ARMH3: variants seen among roughly 807,000 people sequenced by gnomAD.
The protein encoded by ARMH3 is armadillo-like helical domain-containing protein 3.
A neutral mutation model predicts 99.1 loss-of-function variants in ARMH3; 60 were observed. The ratio of observed to expected loss-of-function variants is 0.61; its 90% CI spans 0.49 to 0.75. ARMH3 has a LOEUF of 0.75. ARMH3 is among the 30% of genes least tolerant of loss of function. The pLI is 0.00. For missense variants in ARMH3, 679 were observed against 843.1 expected (o/e 0.81, Z 2.41); for synonymous variants, 285 against 292.8 (o/e 0.97, Z 0.27).
At chr10:102,044,614 T>A (rs1049866889) in intron 1 of ARMH3, among the ~76,000 whole-genome samples, 2 of 152,142 alleles carry the variant, frequency 1.3e-5, no homozygotes, top group African/African-American at 4.8e-5. Context: ...TCCACCTGCC[T>A]CAGCCTCCCA....
At chr10:101,882,406 A>G (rs2067441295) in intron 24 of ARMH3, among the ~76,000 whole-genome samples, 1 of 152,172 alleles carries the variant, frequency 6.6e-6, no homozygotes, top group Non-Finnish European at 1.5e-5. Context: ...TTGTAAACCA[A>G]CTCAAACGGT....
chr10:101,974,341 T>G (rs961850753), intron 20 of ARMH3, among the ~76,000 whole-genome samples: 3 of 152,242 alleles, frequency 2.0e-5, no homozygotes, highest in African/African-American at 7.2e-5. Context: ...ATAAAGGCTC[T>G]GACACTAACA....
chr10:101,912,530 T>C (rs1453392201), intron 23 of ARMH3, among the ~76,000 whole-genome samples: 1 of 152,212 alleles, frequency 6.6e-6, no homozygotes, highest in African/African-American at 2.4e-5. Flanking sequence ...CAAACTTGTA[T>C]CCTACAACTC....
At chr10:101,899,753 C>T (rs59686440) in intron 23 of ARMH3, among the ~76,000 whole-genome samples, 2 of 152,182 alleles carry the variant, frequency 1.3e-5, no homozygotes, top group Non-Finnish European at 1.5e-5. Context: ...AACTTACCCC[C>T]TAAGGTTTAG....
At chr10:102,043,172 A>G (rs2067463434) in intron 1 of ARMH3, among the ~76,000 whole-genome samples, 1 of 152,194 alleles carries the variant, frequency 6.6e-6, no homozygotes, top group South Asian at 2.1e-4. Context: ...TTCCTATTTC[A>G]CAACCATCCC....
chr10:102,033,893 T>A (rs186123787), intron 2 of ARMH3, among the ~76,000 whole-genome samples: 4 of 152,336 alleles, frequency 2.6e-5, no homozygotes, highest in African/African-American at 7.2e-5. Flanking sequence ...AAAATATTTA[T>A]CTTCTAGCAA....
At chr10:101,963,434 G>A (rs1436134118) in intron 20 of ARMH3, among the ~76,000 whole-genome samples, 1 of 151,956 alleles carries the variant, frequency 6.6e-6, no homozygotes, top group Non-Finnish European at 1.5e-5. Flanking sequence ...ACCGTGCCCA[G>A]CCATTTTTGT....
chr10:101,968,280 C>T (rs536450608), intron 20 of ARMH3, among the ~76,000 whole-genome samples: 1 of 152,100 alleles, frequency 6.6e-6, no homozygotes, highest in Non-Finnish European at 1.5e-5. Flanking sequence ...CCTTTCCCCC[C>T]ACCGTTTCCT....
chr10:101,879,020 C>G (rs554999015), intron 24 of ARMH3, among the ~76,000 whole-genome samples: 2 of 152,184 alleles, frequency 1.3e-5, no homozygotes, highest in African/African-American at 4.8e-5. Flanking sequence ...AGTCCCCAGA[C>G]GCCTCGTCAG....
In ARMH3 at chr10:102,012,806, C is replaced by T. The variant is rs749674970; in HGVS notation, c.770+27G>A. On this transcript the variant is annotated intron_variant, in intron 10 of 25. Transcript: ENST00000370033. ...ACCAATTCAAATGAAAATCAGACCC[C>T]CTTCCATTCTGGAAAGGTGGACTTA... 4 of 1,592,448 alleles carry T rather than the reference C, an allele frequency of 2.5e-6. No homozygotes were observed. The African/African-American group carries it at 5.4e-5, about 21-fold the overall frequency.
At chr10:101,925,876 A>C (rs1843490031) in intron 23 of ARMH3, among the ~76,000 whole-genome samples, 1 of 152,234 alleles carries the variant, frequency 6.6e-6, no homozygotes, top group Admixed American at 6.5e-5. Flanking sequence ...GTGCTACTGC[A>C]TTCCAGCCTG....
intron 20 of ARMH3, among the ~76,000 whole-genome samples, chr10:101,968,755 T>C (rs1381837379): frequency 1.3e-5 from 2 of 152,200 alleles, no homozygotes; most frequent in African/African-American, 4.8e-5. Flanking sequence ...TTCAAAATAG[T>C]GTAAATTTTG....
At chr10:101,894,124 CA>C (rs1199534891) in intron 23 of ARMH3, among the ~76,000 whole-genome samples, 1 of 152,192 alleles carries the variant, frequency 6.6e-6, no homozygotes, top group Admixed American at 6.5e-5. Context: ...TCAGTACCCA[CA>C]AAGGCAGTAT....
intron 1 of ARMH3, among the ~76,000 whole-genome samples, chr10:102,046,342 G>GA (rs763530138): frequency 7.3e-4 from 106 of 144,370 alleles, no homozygotes; most frequent in African/African-American, 2.5e-3. Context: ...AAGAGAAAAA[G>GA]AAAAAAAAAA....
chr10:101,894,591 C>T (rs973221654), intron 23 of ARMH3, among the ~76,000 whole-genome samples: 1 of 152,164 alleles, frequency 6.6e-6, no homozygotes, highest in Admixed American at 6.6e-5. Context: ...AGATAAGGCA[C>T]CACGTTTATA....
intron 24 of ARMH3, among the ~76,000 whole-genome samples, chr10:101,860,013 T>C (rs1341624562): frequency 6.6e-6 from 1 of 152,156 alleles, no homozygotes; most frequent in Non-Finnish European, 1.5e-5. Flanking sequence ...GATATGAAGG[T>C]TGAGCCTTTG....
intron 18 of ARMH3, among the ~76,000 whole-genome samples, chr10:101,991,578 A>C (rs1315890879): frequency 6.6e-6 from 1 of 152,072 alleles, no homozygotes; most frequent in Non-Finnish European, 1.5e-5. Flanking sequence ...ACAGGTTTTC[A>C]CCATGTTGGC....
intron 24 of ARMH3, among the ~76,000 whole-genome samples, chr10:101,856,099 A>G (rs1424857198): frequency 6.6e-6 from 1 of 152,144 alleles, no homozygotes; most frequent in Admixed American, 6.5e-5. Flanking sequence ...GTTTGGAAGT[A>G]TGATTTGTGG....
intron 5 of ARMH3, among the ~76,000 whole-genome samples, chr10:102,027,574 T>C (rs976163022): frequency 6.6e-6 from 1 of 151,978 alleles, no homozygotes; most frequent in African/African-American, 2.4e-5. Context: ...ACTTATGGGA[T>C]GTGTCAGTGA....
Sources: allele counts gnomAD v4.1 joint callset (sites outside exome capture counted in the v4.1 genomes callset), GRCh38; gene constraint gnomAD v4.1.1; transcripts MANE v1.5; gene names NCBI Gene and HGNC (gene_info 2026-07-23, HGNC 2026-07-21).